MFSD1: variants seen among roughly 807,000 people sequenced by gnomAD.
MFSD1 encodes major facilitator superfamily domain containing 1.
In MFSD1, 59 loss-of-function variants were observed where a neutral mutation model predicts 67.1. The observed-to-expected ratio is 0.88, with a 90% CI of 0.71 to 1.09. MFSD1 has a LOEUF of 1.09. Ranked by LOEUF, MFSD1 falls within the 50% of genes least tolerant of loss-of-function variation. The probability of loss-of-function intolerance (pLI) is 0.00; values close to 1 mark genes in which losing one functional copy is unlikely to be tolerated. For synonymous variants in MFSD1, 213 were observed against 200.3 expected (o/e 1.06, Z -0.54); for missense variants, 552 against 566.1 (o/e 0.97, Z 0.25).
At chr3:158,810,105 G>A (rs1413686911) in intron 6 of MFSD1, among the ~76,000 whole-genome samples, 1 of 152,124 alleles carries the variant, frequency 6.6e-6, no homozygotes, top group Non-Finnish European at 1.5e-5. Context: ...GCTCATGGTA[G>A]CCTCGACCTC....
At chr3:158,828,138 C>T (rs1731109524) in intron 15 of MFSD1, among the ~76,000 whole-genome samples, 2 of 152,050 alleles carry the variant, frequency 1.3e-5, no homozygotes, top group Admixed American at 1.3e-4. Context: ...GTTCTGTGTT[C>T]TCTGATTCAT....
intron 7 of MFSD1, among the ~76,000 whole-genome samples, chr3:158,817,618 G>A (rs9859969): frequency 0.19 from 28,516 of 152,096 alleles, 3,120 homozygotes; most frequent in Middle Eastern, 0.31. Flanking sequence ...ACAAATGGAA[G>A]AACGTTCCAT....
Position 158,810,675 on chromosome 3 carries a change from C to A in MFSD1, c.549+1388C>A, listed in dbSNP as rs1032103945. Among the ~76,000 whole-genome samples, 10 of 152,270 alleles carry A rather than the reference C, an allele frequency of 6.6e-5. No homozygotes were observed. In the East Asian group the frequency reaches 1.9e-3, roughly 29 times the overall value. Reference sequence around the variant, plus strand: ...ATCTGAGGACTATTGAGAGATATTTCCGCATTATCATTCCAGAGACGTTTA... The same window carrying A: ...ATCTGAGGACTATTGAGAGATATTTACGCATTATCATTCCAGAGACGTTTA... On this transcript the variant is annotated intron_variant, in intron 6 of 15. Transcript: ENST00000415822.
In MFSD1 at chr3:158,815,356, C is replaced by CTTT. The variant is rs58754327; in HGVS notation, c.652+1303_652+1305dup. Reference sequence around the variant, plus strand: ...TCTCAGTTTTCTTTTCTTGTAGTGTCTTTTTTTTTTTTTTTTCAAGTTTAA... The same window carrying CTTT: ...TCTCAGTTTTCTTTTCTTGTAGTGTCTTTTTTTTTTTTTTTTTTTCAAGTTTAA... On this transcript the variant is annotated intron_variant, in intron 7 of 15. Coordinates refer to ENST00000415822, the MANE Select transcript of MFSD1 (RefSeq NM_022736.4). Among the ~76,000 whole-genome samples the CTTT allele has an allele frequency of 1.1e-3, 142 of 134,322 alleles. 1 individual carries two copies. The East Asian group carries it at 0.02, about 19-fold the overall frequency. 88.1% of individuals were successfully genotyped at this position (134,322 alleles called of 152,430 possible).
At chr3:158,809,896 A>G (rs1296741702) in intron 6 of MFSD1, among the ~76,000 whole-genome samples, 4 of 152,080 alleles carry the variant, frequency 2.6e-5, no homozygotes, top group East Asian at 1.9e-4. Flanking sequence ...CTCCCTTACC[A>G]TGGTGCTTAT....
At chr3:158,816,766 G>T (rs1321326798) in intron 7 of MFSD1, among the ~76,000 whole-genome samples, 2 of 150,988 alleles carry the variant, frequency 1.3e-5, no homozygotes, top group Non-Finnish European at 2.9e-5. Flanking sequence ...TTTTCTTCGA[G>T]GGTTTTTATG....
chr3:158,805,595 G>GT, intron 3 of MFSD1, 121 bp downstream of exon 3: 1 of 820,454 alleles, frequency 1.2e-6, no homozygotes, highest in Non-Finnish European at 2.0e-6. Flanking sequence ...ATTTGCTTGA[G>GT]TTTTTTAAAA....
chr3:158,814,041 C>A lies in MFSD1; in HGVS notation c.626C>A (p.Thr209Lys), dbSNP rs143132572. The A allele has an allele frequency of 1.2e-6, 2 of 1,613,708 alleles. No homozygotes were observed. The highest frequency in any genetic ancestry group is 8.5e-7 in the Non-Finnish European group (1 of 1,179,780). Residue 209 changes from threonine to lysine, a missense_variant, in exon 7 of 16, where the codon ACA becomes AAA. Coordinates refer to ENST00000415822, the MANE Select transcript of MFSD1 (RefSeq NM_022736.4). ...GCTTTGTTAGGTTCTGCTGGTCACA[C>A]AACCCTCGGGATCACACTTATGATT... ...IEALLGSAGH[T>K]TLGITLMIGG...
At chr3:158,806,872 A>G (rs1729752524) in intron 3 of MFSD1, among the ~76,000 whole-genome samples, 168 bp from the exon 4 acceptor site, 1 of 152,156 alleles carries the variant, frequency 6.6e-6, no homozygotes, top group African/African-American at 2.4e-5. Flanking sequence ...TCAGAGGGAG[A>G]TGAGCCCTTT....
Position 158,809,196 on chromosome 3 carries a change from T to C in MFSD1, c.458T>C (p.Leu153Ser). The C allele has an allele frequency of 6.3e-7, 1 of 1,586,980 alleles. No homozygotes were observed. The highest frequency in any genetic ancestry group is 1.2e-5 in the South Asian group (1 of 85,588). Reference sequence around the variant, plus strand: ...ATTTTTAGGATTGGTGGCGAGTCCTTAGCAGTTGCCCAGAATACATATGCT... The same window carrying C: ...ATTTTTAGGATTGGTGGCGAGTCCTCAGCAGTTGCCCAGAATACATATGCT... ...RFVFGIGGES[L>S]AVAQNTYAVS... Residue 153 changes from leucine to serine, a missense_variant, in exon 6 of 16, where the codon TTA becomes TCA. Leu to Ser is a moderately radical substitution (Grantham distance 145). Coordinates refer to ENST00000415822, the MANE Select transcript of MFSD1 (RefSeq NM_022736.4).
chr3:158,826,099 A>G (rs1440304042), intron 14 of MFSD1, 37 bp downstream of exon 14: 1 of 1,581,554 alleles, frequency 6.3e-7, no homozygotes, highest in Non-Finnish European at 8.7e-7. Flanking sequence ...CTTAAACCGC[A>G]GTGGATCATC....
rs1340158665 is a variant in MFSD1, at chr3:158,802,519, G to T, written c.163+204G>T. 4 of 742,072 alleles carry T rather than the reference G, an allele frequency of 5.4e-6. No homozygotes were observed. In the African/African-American group the frequency reaches 6.9e-5, roughly 13 times the overall value. 46.0% of individuals were successfully genotyped at this position (742,072 alleles called of 1,614,324 possible). A position where few individuals can be genotyped will look rare whatever the true frequency, so the allele number is the denominator to read the frequency against. On this transcript the variant is annotated intron_variant, in intron 1 of 15. Transcript: ENST00000415822. ...AGTTACTCCGCGTCCGGAACGTGGA[G>T]GTCGAGGGACTGAGCTGGGCGAGTT...
At chr3:158,806,476 G>A (rs746081398) in intron 3 of MFSD1, among the ~76,000 whole-genome samples, 34 of 152,262 alleles carry the variant, frequency 2.2e-4, no homozygotes, top group Admixed American at 9.8e-4. Context: ...TTACCCTGAT[G>A]GCCTTTAAGG....
intron 11 of MFSD1, chr3:158,822,816 T>C (rs1730746078): frequency 6.5e-6 from 1 of 154,558 alleles, no homozygotes; most frequent in Admixed American, 6.3e-5. Context: ...TTTATAACTT[T>C]AGTAATATAC....
At chr3:158,820,403 A>G (rs1730611683) in intron 9 of MFSD1, 77 bp downstream of exon 9, 2 of 1,003,438 alleles carry the variant, frequency 2.0e-6, no homozygotes, top group Admixed American at 3.7e-5. Context: ...TAGTTTTTAA[A>G]GCAGTAAATC....
In MFSD1 at chr3:158,826,054, G is replaced by A. The variant is rs200660222; in HGVS notation, c.1328G>A (p.Arg443His). Residue 443 changes from arginine (R) to histidine (H), a missense_variant, in exon 14 of 16, where the codon CGT (arginine) becomes CAT (histidine). Physicochemically the swap from Arg to His is conservative, Grantham distance 29. Coordinates refer to ENST00000415822, the MANE Select transcript of MFSD1 (RefSeq NM_022736.4). Reference sequence around the variant, plus strand: ...GTGGTCTTACTCTATTTGGTGAATCGTGCCCAGGGTAAGTAGAAGATCTGA... The same window carrying A: ...GTGGTCTTACTCTATTTGGTGAATCATGCCCAGGGTAAGTAGAAGATCTGA... ...LSVVLLYLVN[R>H]AQGGNLNYSA... is the part of the protein sequence containing the mutation. 24 of 1,613,204 alleles carry A rather than the reference G, an allele frequency of 1.5e-5. No homozygotes were observed. Among genetic ancestry groups the A allele is most frequent in the African/African-American group, 2.7e-5 (2 of 74,956 alleles).
At chr3:158,813,906 A>G in intron 6 of MFSD1, 59 bp from the exon 7 acceptor site, 1 of 1,235,530 alleles carries the variant, frequency 8.1e-7, no homozygotes, top group East Asian at 2.5e-5. Context: ...CTTTTTTTGA[A>G]CAAAGCAGAG....
At chr3:158,812,293 CTA>C (rs1730063948) in intron 6 of MFSD1, among the ~76,000 whole-genome samples, 1 of 152,188 alleles carries the variant, frequency 6.6e-6, no homozygotes, top group African/African-American at 2.4e-5. Context: ...AAGACGGAAT[CTA>C]TGTCACCCCC....
At chr3:158,828,198 T>TTA in intron 15 of MFSD1, among the ~76,000 whole-genome samples, 1 of 152,346 alleles carries the variant, frequency 6.6e-6, no homozygotes, top group South Asian at 2.1e-4. Context: ...ACATTTCTTT[T>TTA]TCTAAAAGTA....
Sources: allele counts gnomAD v4.1 joint callset (sites outside exome capture counted in the v4.1 genomes callset), GRCh38; gene constraint gnomAD v4.1.1; transcripts MANE v1.5; gene names NCBI Gene and HGNC (gene_info 2026-07-23, HGNC 2026-07-21).